Variants in TMEM272 observed in about 807,000 individuals in gnomAD.
TMEM272 encodes long intergenic non-protein coding RNA 282.
In TMEM272, 8 loss-of-function variants were observed where a neutral mutation model predicts 3.7. The observed-to-expected ratio is 2.17, with a 90% CI of 1.27 to 3.91. The LOEUF is 3.91. TMEM272 is among the 30% of genes most tolerant of loss of function. The probability of loss-of-function intolerance (pLI) is 0.00; values close to 1 mark genes in which losing one functional copy is unlikely to be tolerated. For synonymous variants in TMEM272, 63 were observed against 39.8 expected, an observed-to-expected ratio of 1.58 and a Z score of -2.20; for missense variants, 166 against 91.5, an observed-to-expected ratio of 1.81 and a Z score of -3.32.
intron 2 of TMEM272, among the ~76,000 whole-genome samples, chr13:51,836,933 T>G (rs922269015): frequency 1.6e-4 from 24 of 152,186 alleles, no homozygotes; most frequent in Admixed American, 5.9e-4. Flanking sequence ...CACAAAGGGT[T>G]TCACAAGAGA....
the TMEM272 span, among the ~76,000 whole-genome samples, chr13:51,926,985 AG>A: frequency 1.7e-3 from 257 of 152,324 alleles, 3 homozygotes; most frequent in Middle Eastern, 0.01. Flanking sequence ...GGGAAAACAA[AG>A]CCCCCAGCCT....
At chr13:51,897,362 ATTTTTTTTTTTTTTTTTTTTT>A in the TMEM272 span, among the ~76,000 whole-genome samples, 1 of 82,408 alleles carries the variant, frequency 1.2e-5, no homozygotes, top group African/African-American at 4.1e-5. Flanking sequence ...TGTCTGGCTA[ATTTTTTTTTTTTTTTTTTTTT>A]TTTTTTTTTT....
At chr13:51,894,161 C>A in the TMEM272 span, among the ~76,000 whole-genome samples, 1 of 152,204 alleles carries the variant, frequency 6.6e-6, no homozygotes, top group Admixed American at 6.5e-5. Flanking sequence ...CAATTCAAAT[C>A]ATCAAGGAGG....
At chr13:51,915,513 A>T in the TMEM272 span, among the ~76,000 whole-genome samples, 1 of 152,176 alleles carries the variant, frequency 6.6e-6, no homozygotes. Flanking sequence ...TAATTGGGAG[A>T]ATTCTCCAGA....
chr13:51,904,671 C>T, the TMEM272 span, among the ~76,000 whole-genome samples: 1 of 152,110 alleles, frequency 6.6e-6, no homozygotes, highest in African/African-American at 2.4e-5. Context: ...TTTTGAGTAT[C>T]AATATGATGC....
At position 51,816,789 on chromosome 13, in the gene TMEM272, G is replaced by A. The variant is rs957978861; in HGVS notation, c.526C>T (p.Leu176=). ...GCAGCAAGTCTCCACCTGGAGCACA[G>A]GTAGACACAGCCGCTGCACAGCAGG... The part of the protein sequence containing the change: ...LLLLCSGCVY[L]CSRWRLAADE... The change falls in exon 5 of 5, where the codon CTG becomes TTG. Residue 176 remains leucine, a synonymous_variant. Transcript: ENST00000629372. 1.4e-6 allele frequency: 1 copy of A among 702,642 alleles called. No individual in the cohort carries two copies. The highest frequency in any genetic ancestry group is 1.5e-5 in the South Asian group (1 of 67,596). 43.5% of individuals were successfully genotyped at this position (702,642 alleles called of 1,614,324 possible).
intron 1 of TMEM272, among the ~76,000 whole-genome samples, chr13:51,844,370 C>A (rs1006441949): frequency 6.6e-6 from 1 of 151,168 alleles, no homozygotes; most frequent in Admixed American, 6.6e-5. Flanking sequence ...CATTAACCAT[C>A]CCCATACCTG....
chr13:51,822,487 A>T (rs1956088369), intron 3 of TMEM272, among the ~76,000 whole-genome samples: 2 of 152,184 alleles, frequency 1.3e-5, no homozygotes, highest in Admixed American at 6.5e-5. Flanking sequence ...GATTCAAAGG[A>T]TCCCTTTAAA....
At chr13:51,926,489 T>C in the TMEM272 span, among the ~76,000 whole-genome samples, 1 of 151,944 alleles carries the variant, frequency 6.6e-6, no homozygotes, top group African/African-American at 2.4e-5. Flanking sequence ...GTAATCAGAG[T>C]AAACCCATGG....
chr13:51,833,460 G>A lies in TMEM272; in HGVS notation c.58+5013C>T, dbSNP rs904252951. Among the ~76,000 whole-genome samples, 6 of 152,202 alleles carry A rather than the reference G, an allele frequency of 3.9e-5. No homozygotes were observed. In the East Asian group the frequency reaches 7.7e-4, roughly 20 times the overall value. On this transcript the variant is annotated intron_variant, in intron 2 of 4. Transcript: ENST00000629372. ...CTCTCGGAGTGAAGAGACCAGCGAA[G>A]TGGCTGTTTCATAACTCAGCCTGGA...
intron 2 of TMEM272, among the ~76,000 whole-genome samples, chr13:51,830,758 T>C (rs538806997): frequency 5.5e-4 from 83 of 152,272 alleles, no homozygotes; most frequent in African/African-American, 1.9e-3. Context: ...TGAGCAGAGA[T>C]GAGACTGTTC....
chr13:51,819,706 G>A (rs1956062874), intron 4 of TMEM272, among the ~76,000 whole-genome samples: 1 of 152,208 alleles, frequency 6.6e-6, no homozygotes, highest in Non-Finnish European at 1.5e-5. Flanking sequence ...GGGGCACGGT[G>A]AGGACTGAAT....
chr13:51,896,755 G>A, the TMEM272 span, among the ~76,000 whole-genome samples: 3 of 152,190 alleles, frequency 2.0e-5, no homozygotes, highest in South Asian at 2.1e-4. Flanking sequence ...CAGTTTGGTC[G>A]GCTTGGGGGT....
intron 2 of TMEM272, among the ~76,000 whole-genome samples, chr13:51,827,434 C>T (rs190595561): frequency 6.6e-6 from 1 of 152,224 alleles, no homozygotes. Flanking sequence ...GCAATTACTT[C>T]CCTGCTTTGC....
At chr13:51,871,189 T>A in the TMEM272 span, among the ~76,000 whole-genome samples, 1 of 108,322 alleles carries the variant, frequency 9.2e-6, no homozygotes, top group Non-Finnish European at 1.9e-5. Context: ...ATGCAGAGTA[T>A]GACTTTTTTT....
the TMEM272 span, among the ~76,000 whole-genome samples, chr13:51,874,212 T>A: frequency 3.3e-5 from 5 of 152,324 alleles, no homozygotes; most frequent in Admixed American, 6.5e-5. Context: ...ATTCCAGAAC[T>A]ATTTTCTGCA....
At chr13:51,902,780 A>G in the TMEM272 span, among the ~76,000 whole-genome samples, 5 of 152,270 alleles carry the variant, frequency 3.3e-5, no homozygotes, top group Non-Finnish European at 7.3e-5. Flanking sequence ...AGACTGTGAA[A>G]TAACAAATAT....
At chr13:51,828,380 G>T (rs1211816707) in intron 2 of TMEM272, among the ~76,000 whole-genome samples, 1 of 152,162 alleles carries the variant, frequency 6.6e-6, no homozygotes. Flanking sequence ...ACCACCAAAC[G>T]CCAGCTCTGA....
chr13:51,840,261 C>T (rs1026538817), intron 1 of TMEM272, among the ~76,000 whole-genome samples: 4 of 152,100 alleles, frequency 2.6e-5, no homozygotes, highest in African/African-American at 9.7e-5. Flanking sequence ...AGAGGCTTCC[C>T]AAAGTGAGTC....
Sources: gnomAD v4.1 joint callset for allele counts (sites outside exome capture counted in the v4.1 genomes callset) on GRCh38, gnomAD v4.1.1 for gene constraint, MANE v1.5 for transcripts, NCBI Gene and HGNC (gene_info 2026-07-23, HGNC 2026-07-21) for gene names.